Variants in LAMC3 observed in about 807,000 individuals in gnomAD.
The protein encoded by LAMC3 is laminin subunit gamma 3.
LAMC3 carries 128 observed loss-of-function variants against 173.8 expected under a neutral mutation model. The ratio of observed to expected loss-of-function variants is 0.74; its 90% CI spans 0.64 to 0.85. LAMC3 has a LOEUF of 0.85. LAMC3 is among the 40% of genes least tolerant of loss of function. LAMC3 has a pLI of 0.00. For missense variants in LAMC3, 2,022 were observed against 2,156.0 expected (o/e 0.94, Z 1.23); for synonymous variants, 897 against 909.1 (o/e 0.99, Z 0.24).
chr9:131,036,366 C>A (rs1442063886), intron 4 of LAMC3, 34 bp downstream of exon 4: 4 of 1,611,706 alleles, frequency 2.5e-6, no homozygotes, highest in Non-Finnish European at 3.4e-6. Flanking sequence ...CATCAGGGAC[C>A]CGAGGCTGGT....
intron 13 of LAMC3, among the ~76,000 whole-genome samples, chr9:131,065,584 T>C (rs1328847421): frequency 6.6e-6 from 1 of 152,040 alleles, no homozygotes; most frequent in African/African-American, 2.4e-5. Flanking sequence ...AAAATGAAGA[T>C]AATGATCAAA....
rs758452591 is a variant in LAMC3, at chr9:131,021,746, C to T, written c.374-4539C>T. Among the ~76,000 whole-genome samples the T allele has an allele frequency of 2.8e-4, 42 of 152,200 alleles. 1 individual carries two copies. Among genetic ancestry groups the T allele is most frequent in the Admixed American group, 1.3e-4 (2 of 15,284 alleles). On this transcript the variant is annotated intron_variant, in intron 1 of 27. Coordinates refer to ENST00000361069, the MANE Select transcript of LAMC3 (RefSeq NM_006059.4). Reference sequence around the variant, plus strand: ...AAGTCTAGGCCTCACGAACTTCTGACAGATTAGCTTCAAGTTCCCATGACC... The same window carrying T: ...AAGTCTAGGCCTCACGAACTTCTGATAGATTAGCTTCAAGTTCCCATGACC...
chr9:131,037,247 G>A (rs1833963490), intron 4 of LAMC3, among the ~76,000 whole-genome samples: 1 of 152,216 alleles, frequency 6.6e-6, no homozygotes, highest in South Asian at 2.1e-4. Context: ...CTTCTACCAT[G>A]TCCTCAGCTC....
chr9:131,070,131 G>C (rs1341285110), intron 17 of LAMC3, among the ~76,000 whole-genome samples: 2 of 152,224 alleles, frequency 1.3e-5, no homozygotes, highest in Admixed American at 1.3e-4. Flanking sequence ...TCTCAGGTTC[G>C]GTGGGGATGA....
rs1422129888 is a variant in LAMC3, at chr9:131,092,200, T to C, written c.*413T>C. On this transcript the variant is annotated 3_prime_UTR_variant, in exon 28 of 28. Transcript: ENST00000361069. ...TGTGTGCTGGACACCCTCTGGATGT[T>C]GGGCAAGTTGTTACATGAGATGCCC... 1 of 236,976 alleles carries C rather than the reference T, an allele frequency of 4.2e-6. No individual in the cohort carries two copies. Among genetic ancestry groups the C allele is most frequent in the African/African-American group, 2.2e-5 (1 of 44,740 alleles). 14.7% of individuals were successfully genotyped at this position (236,976 alleles called of 1,614,324 possible). A position where few individuals can be genotyped will look rare whatever the true frequency, so the allele number is the denominator to read the frequency against.
At chr9:131,079,014 A>AG in intron 22 of LAMC3, 135 bp from the exon 23 acceptor site, 1 of 1,115,386 alleles carries the variant, frequency 9.0e-7, no homozygotes, top group African/African-American at 1.5e-5. Flanking sequence ...CCAGGTTTTC[A>AG]GGGGGCTTGG....
intron 21 of LAMC3, 152 bp downstream of exon 21, chr9:131,076,117 G>T (rs1478253046): frequency 6.2e-6 from 5 of 812,814 alleles, no homozygotes; most frequent in Non-Finnish European, 9.4e-6. Flanking sequence ...CCTCGGAGTG[G>T]GGCCACAGGG....
chr9:131,052,844 C>G lies in LAMC3; in HGVS notation c.1824-6C>G, dbSNP rs1368178681. The G allele has an allele frequency of 6.3e-7, 1 of 1,598,546 alleles. No individual in the cohort carries two copies. The highest frequency in any genetic ancestry group is 2.2e-5 in the East Asian group (1 of 44,686). On this transcript the variant is annotated splice_polypyrimidine_tract_variant and splice_region_variant and intron_variant, in intron 10 of 27. Transcript: ENST00000361069. ...GGGATCTCACTTTGACCGCTTCTCT[C>G]GCCAGCCTGCAGGAGACCTCCGAGG...
intron 12 of LAMC3, 61 bp from the exon 13 acceptor site, chr9:131,060,974 G>T: frequency 6.4e-7 from 1 of 1,558,876 alleles, no homozygotes; most frequent in Non-Finnish European, 8.8e-7. Context: ...CTCTCCCACC[G>T]GGATGCCCAC....
In LAMC3 at chr9:131,058,895, A is replaced by C. The variant is rs1345216228; in HGVS notation, c.2158+1748A>C. Reference sequence around the variant, plus strand: ...GGTGACAAGAGCAAGACTCCAGAGGAAAAAAGAAAAAAAAAAAGAAGAGGC... The same window carrying C: ...GGTGACAAGAGCAAGACTCCAGAGGCAAAAAGAAAAAAAAAAAGAAGAGGC... On this transcript the variant is annotated intron_variant, in intron 12 of 27. Coordinates refer to ENST00000361069, the MANE Select transcript of LAMC3 (RefSeq NM_006059.4). 2.5e-5 allele frequency among the ~76,000 whole-genome samples: 3 copies of C among 118,028 alleles called. No homozygotes were observed. In the South Asian group the frequency reaches 6.9e-4, roughly 27 times the overall value. The allele number at this position is 118,028 out of a possible 152,430, so 77.4% of individuals were successfully genotyped here. A position where few individuals can be genotyped will look rare whatever the true frequency, so the allele number is the denominator to read the frequency against.
chr9:131,078,525 A>G (rs1274248958), intron 22 of LAMC3, among the ~76,000 whole-genome samples: 1 of 152,148 alleles, frequency 6.6e-6, no homozygotes, highest in East Asian at 1.9e-4. Context: ...CAGCTTATAA[A>G]AATGCATTTG....
intron 22 of LAMC3, 124 bp from the exon 23 acceptor site, chr9:131,079,025 G>A: frequency 8.0e-7 from 1 of 1,255,438 alleles, no homozygotes; most frequent in Middle Eastern, 2.5e-4. Flanking sequence ...GGGGGCTTGG[G>A]TTCTTGGCTG....
intron 7 of LAMC3, among the ~76,000 whole-genome samples, chr9:131,045,235 AAC>A (rs1491007582): frequency 3.5e-3 from 144 of 40,784 alleles, no homozygotes; most frequent in African/African-American, 0.016. Flanking sequence ...AAAAAAAAAA[AAC>A]AACAACAACA....
chr9:131,038,016 T>A (rs1325884582), intron 4 of LAMC3, among the ~76,000 whole-genome samples: 1 of 152,218 alleles, frequency 6.6e-6, no homozygotes, highest in East Asian at 1.9e-4. Flanking sequence ...GCAGCCAGCC[T>A]CATGGCACAC....
intron 14 of LAMC3, among the ~76,000 whole-genome samples, chr9:131,067,757 C>T (rs1213736702): frequency 6.8e-6 from 1 of 148,060 alleles, no homozygotes; most frequent in African/African-American, 2.5e-5. Flanking sequence ...GGTCACGGGA[C>T]CCAGAGCCAT....
intron 11 of LAMC3, among the ~76,000 whole-genome samples, chr9:131,055,666 T>C (rs1412438247): frequency 1.5e-4 from 22 of 150,300 alleles, no homozygotes; most frequent in South Asian, 4.2e-4. Flanking sequence ...ACCTTATGAT[T>C]CGCCCGCCTC....
chr9:131,045,254 C>A lies in LAMC3; in HGVS notation c.1383-270C>A, dbSNP rs868123353. ...AAAAAAAACAACAACAACAAAAAAA[C>A]AAAACCTAATAAAGTCTGGAGTTTA... On this transcript the variant is annotated intron_variant, in intron 7 of 27. Coordinates refer to ENST00000361069, the MANE Select transcript of LAMC3 (RefSeq NM_006059.4). Among the ~76,000 whole-genome samples, 859 of 113,630 alleles carry A rather than the reference C, an allele frequency of 7.6e-3. 8 individuals carry two copies. Among genetic ancestry groups the A allele is most frequent in the African/African-American group, 0.026 (801 of 31,050 alleles). 74.5% of individuals were successfully genotyped at this position (113,630 alleles called of 152,430 possible). A position where few individuals can be genotyped will look rare whatever the true frequency, so the allele number is the denominator to read the frequency against.
In LAMC3 at chr9:131,065,055, A is replaced by G. The variant is rs112846314; in HGVS notation, c.2348-1905A>G. ...GACTCCATCTAAAAAAAAAAAAAAA[A>G]AAAAGAAAAGGAAAGAAAAAATCAT... is the stretch of plus-strand genomic sequence containing the variant. On this transcript the variant is annotated intron_variant, in intron 13 of 27. Coordinates refer to ENST00000361069, the MANE Select transcript of LAMC3 (RefSeq NM_006059.4). 1.5e-3 allele frequency among the ~76,000 whole-genome samples: 214 copies of G among 142,006 alleles called. 3 individuals carry two copies. The highest frequency in any genetic ancestry group is 4.9e-3 in the African/African-American group (194 of 39,472). 93.2% of individuals were successfully genotyped at this position (142,006 alleles called of 152,430 possible). A position where few individuals can be genotyped will look rare whatever the true frequency, so the allele number is the denominator to read the frequency against.
rs541557107 is a variant in LAMC3, at chr9:131,090,152, C to T, written c.4478-1385C>T. Among the ~76,000 whole-genome samples, 260 of 152,106 alleles carry T rather than the reference C, an allele frequency of 1.7e-3. 5 individuals are homozygous for T. The highest frequency in any genetic ancestry group is 1.9e-3 in the Non-Finnish European group (127 of 68,018). ...TCCCACAGCCAGTCGGTAGGAAAGC[C>T]GTGGCTCACCTGCGGGTCCAAGTGA... On this transcript the variant is annotated intron_variant, in intron 27 of 27. Coordinates refer to ENST00000361069, the MANE Select transcript of LAMC3 (RefSeq NM_006059.4).
Sources: allele counts gnomAD v4.1 joint callset (sites outside exome capture counted in the v4.1 genomes callset), GRCh38; gene constraint gnomAD v4.1.1; transcripts MANE v1.5; gene names NCBI Gene and HGNC (gene_info 2026-07-23, HGNC 2026-07-21).